HMGCLL1: variants seen among roughly 807,000 people sequenced by gnomAD.
The protein encoded by HMGCLL1 is 3-hydroxymethyl-3-methylglutaryl-CoA lyase, cytoplasmic.
In HMGCLL1, 36 loss-of-function variants were observed where a neutral mutation model predicts 39.1. The ratio of observed to expected loss-of-function variants is 0.92; its 90% CI spans 0.71 to 1.22. The LOEUF (loss-of-function observed/expected upper bound fraction) is 1.22, where lower values mean the gene tolerates loss of function less well. Among genes scored for constraint, HMGCLL1 ranks in the 50% most tolerant of loss-of-function variants. HMGCLL1 has a pLI of 0.00. For synonymous variants in HMGCLL1, 149 were observed against 144.0 expected (o/e 1.03, Z -0.25); for missense variants, 451 against 416.5 (o/e 1.08, Z -0.72).
the HMGCLL1 span, among the ~76,000 whole-genome samples, chr6:55,668,990 G>C: frequency 1.3e-5 from 2 of 151,300 alleles, no homozygotes; most frequent in Non-Finnish European, 3.0e-5. Context: ...TCTTCTCCCT[G>C]TCCTCCTACC....
chr6:55,646,498 C>T, the HMGCLL1 span, among the ~76,000 whole-genome samples: 6 of 151,552 alleles, frequency 4.0e-5, no homozygotes, highest in Non-Finnish European at 5.9e-5. Context: ...CTTTAGTGGA[C>T]ATTTTTCTTC....
At chr6:55,455,990 G>A (rs1205904632) in intron 7 of HMGCLL1, among the ~76,000 whole-genome samples, 9 of 152,136 alleles carry the variant, frequency 5.9e-5, no homozygotes, top group Non-Finnish European at 1.0e-4. Flanking sequence ...ATAATTTGGG[G>A]CAACACATTA....
chr6:55,505,013 A>G (rs1767080736), intron 5 of HMGCLL1, among the ~76,000 whole-genome samples: 1 of 151,698 alleles, frequency 6.6e-6, no homozygotes, highest in African/African-American at 2.4e-5. Flanking sequence ...TTAACAAAAA[A>G]CACAGCATTA....
At chr6:55,567,049 C>T (rs566464664) in intron 1 of HMGCLL1, among the ~76,000 whole-genome samples, 1 of 152,064 alleles carries the variant, frequency 6.6e-6, no homozygotes. Flanking sequence ...TAAAATATAG[C>T]CACATCCCTT....
At chr6:55,474,425 A>G (rs9370428) in intron 7 of HMGCLL1, among the ~76,000 whole-genome samples, 84,768 of 151,292 alleles carry the variant, frequency 0.56, 25,290 homozygotes, top group African/African-American at 0.78. Flanking sequence ...GTCTATCAAC[A>G]GCATTCTTCA....
At chr6:55,615,454 C>T in the HMGCLL1 span, among the ~76,000 whole-genome samples, 1 of 152,134 alleles carries the variant, frequency 6.6e-6, no homozygotes, top group Non-Finnish European at 1.5e-5. Context: ...AATGTACTTG[C>T]AGGTGGAGTG....
At chr6:55,493,405 C>T (rs1300118690) in intron 7 of HMGCLL1, among the ~76,000 whole-genome samples, 1 of 152,064 alleles carries the variant, frequency 6.6e-6, no homozygotes, top group East Asian at 1.9e-4. Context: ...ATTAATGTTC[C>T]TTATCTTGCT....
At position 55,495,452 on chromosome 6, in the gene HMGCLL1, T is replaced by C. The variant is rs772836157; in HGVS notation, c.762A>G (p.Gly254=). 1 of 1,613,886 alleles carries C rather than the reference T, an allele frequency of 6.2e-7. No individual in the cohort carries two copies. The highest frequency in any genetic ancestry group is 8.5e-7 in the Non-Finnish European group (1 of 1,179,952). ...ALAVHCHDTY[G]QALANILTAL... is the part of the protein sequence containing the mutation. ...CCGTAAGGATATTTGCTAAGGCTTGTCCGTATGTGTCATGACAGTGAACAG... is the reference window on the plus strand; with the variant it reads ...CCGTAAGGATATTTGCTAAGGCTTGCCCGTATGTGTCATGACAGTGAACAG... The change falls in exon 7 of 9, where the codon GGA becomes GGG. Residue 254 remains glycine (G), a synonymous_variant. Transcript: ENST00000274901.
intron 1 of HMGCLL1, chr6:55,566,396 G>A (rs969170740): frequency 1.1e-5 from 3 of 269,412 alleles, no homozygotes; most frequent in East Asian, 8.3e-5. Flanking sequence ...TGTTAAAGGC[G>A]TTTTTATGTA....
intron 1 of HMGCLL1, among the ~76,000 whole-genome samples, chr6:55,554,971 C>T (rs1430871357): frequency 1.3e-5 from 2 of 152,146 alleles, no homozygotes; most frequent in Admixed American, 6.5e-5. Flanking sequence ...TCTCTACTTC[C>T]ACTCTTGCCA....
intron 1 of HMGCLL1, among the ~76,000 whole-genome samples, chr6:55,542,798 A>ATT (rs1180333131): frequency 1.9e-5 from 2 of 104,690 alleles, no homozygotes; most frequent in Non-Finnish European, 4.3e-5. Flanking sequence ...ATATACCTAT[A>ATT]TTTATATATA....
At chr6:55,457,418 G>A (rs1764371018) in intron 7 of HMGCLL1, among the ~76,000 whole-genome samples, 1 of 152,072 alleles carries the variant, frequency 6.6e-6, no homozygotes, top group Admixed American at 6.6e-5. Context: ...TTGTTAAGGA[G>A]GATTTTCCCT....
chr6:55,461,323 G>A (rs964516274), intron 7 of HMGCLL1, among the ~76,000 whole-genome samples: 2 of 151,860 alleles, frequency 1.3e-5, no homozygotes, highest in Non-Finnish European at 2.9e-5. Context: ...CACATATACA[G>A]TACTTTTAAA....
At chr6:55,649,745 T>A in the HMGCLL1 span, among the ~76,000 whole-genome samples, 1 of 151,900 alleles carries the variant, frequency 6.6e-6, no homozygotes, top group Non-Finnish European at 1.5e-5. Context: ...ATTTTCTAGA[T>A]CTTCTTGGTA....
intron 5 of HMGCLL1, among the ~76,000 whole-genome samples, chr6:55,505,123 C>T (rs1044565696): frequency 4.0e-5 from 6 of 151,580 alleles, no homozygotes; most frequent in East Asian, 1.9e-4. Context: ...TAAAAGAAGA[C>T]GTGAAGTGTT....
the HMGCLL1 span, among the ~76,000 whole-genome samples, chr6:55,671,787 C>T: frequency 1.3e-5 from 2 of 151,676 alleles, no homozygotes; most frequent in African/African-American, 2.4e-5. Flanking sequence ...GCCGTATCTT[C>T]TTCTTCTGGT....
At chr6:55,623,623 G>GATATATAC in the HMGCLL1 span, among the ~76,000 whole-genome samples, 1 of 150,106 alleles carries the variant, frequency 6.7e-6, no homozygotes, top group South Asian at 2.1e-4. Flanking sequence ...GCCGAAGAGA[G>GATATATAC]ATATATACAT....
chr6:55,461,191 A>G (rs1031353618), intron 7 of HMGCLL1, among the ~76,000 whole-genome samples: 1 of 151,960 alleles, frequency 6.6e-6, no homozygotes, highest in Admixed American at 6.6e-5. Context: ...TTTTTTAGTA[A>G]TCTAGACCGT....
the HMGCLL1 span, among the ~76,000 whole-genome samples, chr6:55,596,727 C>A: frequency 6.6e-6 from 1 of 152,140 alleles, no homozygotes; most frequent in African/African-American, 2.4e-5. Flanking sequence ...TACGTATATA[C>A]TTAAAACAAA....
Sources: gnomAD v4.1 joint callset for allele counts (sites outside exome capture counted in the v4.1 genomes callset) on GRCh38, gnomAD v4.1.1 for gene constraint, MANE v1.5 for transcripts, NCBI Gene and HGNC (gene_info 2026-07-23, HGNC 2026-07-21) for gene names.